Variants in TPO observed in about 807,000 individuals in gnomAD.
The protein encoded by TPO is thyroid peroxidase.
TPO carries 78 observed loss-of-function variants against 96.9 expected under a neutral mutation model. That is an observed-to-expected ratio of 0.81 (90% confidence interval 0.67 to 0.97). TPO has a LOEUF of 0.97. Among genes scored for constraint, TPO ranks in the 50% least tolerant of loss-of-function variants. TPO has a pLI of 0.00. For missense variants in TPO, 1,252 were observed against 1,274.8 expected (o/e 0.98, Z 0.27); for synonymous variants, 547 against 538.0 (o/e 1.02, Z -0.23).
At chr2:1,503,804 C>T (rs767615867) in intron 13 of TPO, 144 bp from the exon 14 acceptor site, 46 of 1,466,656 alleles carry the variant, frequency 3.1e-5, no homozygotes, top group East Asian at 1.5e-4. Context: ...GAGCAGGGGG[C>T]GGCCGGTTCC....
At chr2:1,392,505 G>A (rs1030434724) in intron 1 of TPO, among the ~76,000 whole-genome samples, 1 of 152,186 alleles carries the variant, frequency 6.6e-6, no homozygotes, top group African/African-American at 2.4e-5. Flanking sequence ...GGATCAGGAT[G>A]ATGTTGGCCT....
chr2:1,458,610 G>A (rs1328490311), intron 7 of TPO, among the ~76,000 whole-genome samples: 1 of 152,138 alleles, frequency 6.6e-6, no homozygotes, highest in East Asian at 1.9e-4. Flanking sequence ...AAGATACTGT[G>A]TGGGCACGTG....
intron 5 of TPO, among the ~76,000 whole-genome samples, chr2:1,445,973 T>A (rs1374284139): frequency 6.6e-6 from 1 of 152,210 alleles, no homozygotes; most frequent in African/African-American, 2.4e-5. Flanking sequence ...CCATGTTGGA[T>A]AAGTGGCACA....
At chr2:1,395,678 C>T (rs745534139) in intron 1 of TPO, among the ~76,000 whole-genome samples, 1 of 152,052 alleles carries the variant, frequency 6.6e-6, no homozygotes, top group East Asian at 1.9e-4. Context: ...AAGGGAGGGA[C>T]CTGGTGGGAG....
At chr2:1,516,856 C>G in intron 14 of TPO, 27 bp from the exon 15 acceptor site, 1 of 1,611,616 alleles carries the variant, frequency 6.2e-7, no homozygotes, top group East Asian at 2.2e-5. Context: ...GAAGGTTCTT[C>G]TAACCAGGCC....
At chr2:1,421,808 C>T (rs1663565863) in intron 2 of TPO, among the ~76,000 whole-genome samples, 1 of 152,142 alleles carries the variant, frequency 6.6e-6, no homozygotes, top group Non-Finnish European at 1.5e-5. Flanking sequence ...ACGCCCAGGC[C>T]GCCCCTCCCC....
chr2:1,466,406 G>C (rs1187473711), intron 7 of TPO, among the ~76,000 whole-genome samples: 1 of 152,174 alleles, frequency 6.6e-6, no homozygotes, highest in Non-Finnish European at 1.5e-5. Context: ...TGGCCTTACA[G>C]AATGATTTAG....
chr2:1,501,271 G>A (rs547600817), intron 13 of TPO, among the ~76,000 whole-genome samples: 3 of 150,882 alleles, frequency 2.0e-5, no homozygotes, highest in East Asian at 1.9e-4. Flanking sequence ...TGGACACCAC[G>A]GCCACTCTTC....
At chr2:1,390,286 G>T (rs1661980782) in intron 1 of TPO, among the ~76,000 whole-genome samples, 1 of 151,952 alleles carries the variant, frequency 6.6e-6, no homozygotes, top group African/African-American at 2.4e-5. Context: ...TTCTGTCCTT[G>T]TATAGTTTGC....
chr2:1,385,064 A>C (rs1204244831), intron 1 of TPO, among the ~76,000 whole-genome samples: 1 of 152,172 alleles, frequency 6.6e-6, no homozygotes, highest in Non-Finnish European at 1.5e-5. Context: ...GATGAAGCCC[A>C]TTTGATCATG....
chr2:1,516,866 C>T lies in TPO; in HGVS notation c.2519-17C>T, dbSNP rs28913013. 2.9e-3 allele frequency: 4,731 copies of T among 1,613,284 alleles called. 128 individuals are homozygous for T. In the African/African-American group the frequency reaches 0.052, roughly 18 times the overall value. On this transcript the variant is annotated splice_polypyrimidine_tract_variant and intron_variant, in intron 14 of 16. Transcript: ENST00000329066. ...CCCTGGAAGGTTCTTCTAACCAGGC[C>T]TCTTTCTGTGCCCCAGACTCCGGGA...
intron 11 of TPO, among the ~76,000 whole-genome samples, chr2:1,495,003 C>T (rs1159418910): frequency 6.6e-6 from 1 of 152,210 alleles, no homozygotes; most frequent in Non-Finnish European, 1.5e-5. Flanking sequence ...TTGGAATTCT[C>T]TGGGACATGG....
chr2:1,528,469 C>CCAG, intron 15 of TPO, among the ~76,000 whole-genome samples: 1 of 147,136 alleles, frequency 6.8e-6, no homozygotes, highest in Non-Finnish European at 1.5e-5. Flanking sequence ...AATCTCTCAA[C>CCAG]TGTGTGCAAC....
At chr2:1,537,848 TGTGTGCAATCTCAAATCCCC>T (rs1558442824) in intron 15 of TPO, among the ~76,000 whole-genome samples, 53 of 29,824 alleles carry the variant, frequency 1.8e-3, no homozygotes, top group Non-Finnish European at 2.5e-3. Flanking sequence ...ATCCCCCCAC[TGTGTGCAATCTCAAATCCCC>T]CCCACTGTGT....
At position 1,493,847 on chromosome 2, in the gene TPO, C is replaced by T. The variant is rs960179330; in HGVS notation, c.1814C>T (p.Thr605Ile). 3 of 1,614,024 alleles carry T rather than the reference C, an allele frequency of 1.9e-6. No individual in the cohort carries two copies. Among genetic ancestry groups the T allele is most frequent in the African/African-American group, 2.7e-5 (2 of 74,928 alleles). Residue 605 changes from threonine (T) to isoleucine (I), a missense_variant, in exon 11 of 17, where the codon ACC (threonine) becomes ATC (isoleucine). Thr to Ile is a moderately conservative substitution (Grantham distance 89). Transcript: ENST00000329066. ...TTCTGCGGCCTGCCTCGCCTGGAGA[C>T]CCCCGCTGACCTGAGCACAGCCATC... The part of the protein sequence containing the change: ...REFCGLPRLE[T>I]PADLSTAIAS...
intron 2 of TPO, among the ~76,000 whole-genome samples, chr2:1,422,358 C>CGCCGCGCTGGACCGACCTCGTGCAGGT (rs1663781632): frequency 7.5e-5 from 8 of 106,142 alleles, no homozygotes; most frequent in South Asian, 3.7e-4. Context: ...CTCGTGCAGG[C>CGCCGCGCTGGACCGACCTCGTGCAGGT]GCCGCGCTGG....
intron 1 of TPO, among the ~76,000 whole-genome samples, chr2:1,406,675 C>T (rs918300638): frequency 2.0e-5 from 3 of 152,234 alleles, no homozygotes; most frequent in Non-Finnish European, 4.4e-5. Flanking sequence ...AACAAAGGAC[C>T]AAATGCCATT....
At chr2:1,382,947 A>T (rs1558242051) in intron 1 of TPO, among the ~76,000 whole-genome samples, 1 of 136,306 alleles carries the variant, frequency 7.3e-6, no homozygotes, top group East Asian at 2.2e-4. Context: ...TCATTGTTCA[A>T]TCCCACCTAT....
chr2:1,437,604 C>T (rs967724084), intron 5 of TPO, among the ~76,000 whole-genome samples: 1 of 152,194 alleles, frequency 6.6e-6, no homozygotes, highest in Non-Finnish European at 1.5e-5. Flanking sequence ...AACTGGACAG[C>T]CCTGGATTTG....
Sources: gnomAD v4.1 joint callset for allele counts (sites outside exome capture counted in the v4.1 genomes callset) on GRCh38, gnomAD v4.1.1 for gene constraint, MANE v1.5 for transcripts, NCBI Gene and HGNC (gene_info 2026-07-23, HGNC 2026-07-21) for gene names.